The following FNDC7 variants were observed in gnomAD, a reference collection of about 807,000 sequenced individuals.
The protein encoded by FNDC7 is fibronectin type III domain containing 7.
Under a neutral mutation model 74.2 loss-of-function variants are expected in FNDC7, and 66 were observed. That is an observed-to-expected ratio of 0.89 (90% CI 0.73 to 1.09). The LOEUF (loss-of-function observed/expected upper bound fraction) is 1.09, where lower values mean the gene tolerates loss of function less well. FNDC7 is among the 50% of genes least tolerant of loss of function. FNDC7 has a pLI of 0.00. For synonymous variants in FNDC7, 307 were observed against 330.2 expected (o/e 0.93, Z 0.76); for missense variants, 829 against 893.4 (o/e 0.93, Z 0.92).
At chr1:108,739,504 G>T (rs2101092602) in intron 11 of FNDC7, among the ~76,000 whole-genome samples, 1 of 152,282 alleles carries the variant, frequency 6.6e-6, no homozygotes, top group Non-Finnish European at 1.5e-5. Flanking sequence ...TGAGACACCA[G>T]CATCACCAGA....
At chr1:108,718,704 T>C (rs1661028798) in intron 3 of FNDC7, 85 bp from the exon 4 acceptor site, 2 of 1,363,942 alleles carry the variant, frequency 1.5e-6, no homozygotes, top group Non-Finnish European at 2.0e-6. Context: ...TTGTATATTA[T>C]GGATATCAAT....
chr1:108,727,301 G>A (rs11102312), intron 6 of FNDC7, among the ~76,000 whole-genome samples: 60,989 of 151,688 alleles, frequency 0.4, 13,037 homozygotes, highest in Non-Finnish European at 0.49. Context: ...CTCCAGCCTG[G>A]GTGGCAGAGC....
rs11583590 is a variant in FNDC7, at chr1:108,728,726, G to A, written c.1464G>A (p.Thr488=). The part of the protein sequence containing the change: ...WRSTNDDATY[T]VTAQGEKGLY... ...CCACTAATGATGATGCTACTTACACGGTGACTGCCCAAGGGGAGAAAGGAC... is the reference window on the plus strand; with the variant it reads ...CCACTAATGATGATGCTACTTACACAGTGACTGCCCAAGGGGAGAAAGGAC... The change falls in exon 8 of 13, where the codon ACG becomes ACA. Residue 488 remains threonine, a synonymous_variant. Coordinates refer to ENST00000370017, the MANE Select transcript of FNDC7 (RefSeq NM_001144937.3). The A allele has an allele frequency of 0.021, 33,832 of 1,614,208 alleles. 485 individuals are homozygous for A. Among genetic ancestry groups the A allele is most frequent in the Middle Eastern group, 0.033 (200 of 6,062 alleles).
At chr1:108,719,595 G>A (rs1381110365) in intron 4 of FNDC7, among the ~76,000 whole-genome samples, 1 of 152,108 alleles carries the variant, frequency 6.6e-6, no homozygotes, top group Non-Finnish European at 1.5e-5. Context: ...GTCAGCATGG[G>A]GCTTCCCACT....
At chr1:108,714,104 A>G (rs1439757169) in intron 2 of FNDC7, among the ~76,000 whole-genome samples, 4 of 152,228 alleles carry the variant, frequency 2.6e-5, no homozygotes, top group Admixed American at 2.6e-4. Context: ...ATTTATCTAG[A>G]GGCCCCTCCT....
chr1:108,713,050 C>A, intron 1 of FNDC7, 54 bp downstream of exon 1: 1 of 1,454,808 alleles, frequency 6.9e-7, no homozygotes. Flanking sequence ...AAGAAAGACA[C>A]ATTATTTTTC....
intron 11 of FNDC7, among the ~76,000 whole-genome samples, chr1:108,739,759 C>A (rs893845081): frequency 1.3e-5 from 2 of 152,194 alleles, no homozygotes; most frequent in Non-Finnish European, 2.9e-5. Flanking sequence ...AGGAGCACTG[C>A]TTTAGATCAC....
intron 10 of FNDC7, among the ~76,000 whole-genome samples, chr1:108,735,717 G>T (rs1040063364): frequency 6.6e-6 from 1 of 152,064 alleles, no homozygotes; most frequent in Non-Finnish European, 1.5e-5. Context: ...TGTACTTATA[G>T]TACATTTAGT....
At chr1:108,734,500 G>C (rs1269803498) in intron 10 of FNDC7, 1 of 152,130 alleles carries the variant, frequency 6.6e-6, no homozygotes, top group Non-Finnish European at 1.5e-5. Flanking sequence ...AATTTTGCAG[G>C]TGAACACAGA....
At chr1:108,720,898 A>G (rs1399871777) in intron 4 of FNDC7, among the ~76,000 whole-genome samples, 2 of 152,246 alleles carry the variant, frequency 1.3e-5, no homozygotes, top group Non-Finnish European at 2.9e-5. Context: ...AAGAACTTCA[A>G]CATATGAACT....
intron 8 of FNDC7, 42 bp from the exon 9 acceptor site, chr1:108,730,632 T>C (rs1449492029): frequency 6.7e-7 from 1 of 1,491,690 alleles, no homozygotes; most frequent in East Asian, 2.4e-5. Flanking sequence ...TAATCTTCAG[T>C]GGAAATAAAT....
rs771943791 is a variant in FNDC7, at chr1:108,733,359, A to G, written c.1967A>G (p.Asn656Ser). 8 of 1,614,142 alleles carry G rather than the reference A, an allele frequency of 5.0e-6. No individual in the cohort carries two copies. In the East Asian group the frequency reaches 8.9e-5, roughly 18 times the overall value. ...TGGCAAGCCTCCAGGGGCTCTGCCA[A>G]TTACAGCACTGACCTCTATGGCTCC... The part of the protein sequence containing the change: ...IYWQASRGSA[N>S]YSTDLYGSKG... Residue 656 changes from asparagine to serine, a missense_variant, in exon 10 of 13, where the codon AAT becomes AGT. Transcript: ENST00000370017.
chr1:108,723,391 T>A (rs1661138756), intron 5 of FNDC7, among the ~76,000 whole-genome samples: 1 of 152,152 alleles, frequency 6.6e-6, no homozygotes, highest in African/African-American at 2.4e-5. Flanking sequence ...TACAATAATA[T>A]CTACTTTATC....
chr1:108,735,180 G>A (rs1261168071), intron 10 of FNDC7, among the ~76,000 whole-genome samples: 3 of 152,228 alleles, frequency 2.0e-5, no homozygotes, highest in South Asian at 2.1e-4. Flanking sequence ...AAGTAATCTC[G>A]AATTCTCGTC....
chr1:108,719,091 A>T, intron 4 of FNDC7, 42 bp downstream of exon 4: 2 of 1,547,696 alleles, frequency 1.3e-6, no homozygotes, highest in Non-Finnish European at 1.7e-6. Context: ...TCTACTTTTG[A>T]TTAATGAGGG....
intron 6 of FNDC7, among the ~76,000 whole-genome samples, chr1:108,727,149 A>T (rs1040676240): frequency 1.3e-5 from 2 of 152,004 alleles, no homozygotes; most frequent in Admixed American, 1.3e-4. Flanking sequence ...ACATGGAGAA[A>T]CTCTGTCTCT....
rs778155523 is a variant in FNDC7, at chr1:108,717,791, A to T, written c.97A>T (p.Thr33Ser). 1 of 1,551,658 alleles carries T rather than the reference A, an allele frequency of 6.4e-7. No homozygotes were observed. Among genetic ancestry groups the T allele is most frequent in the Admixed American group, 2.0e-5 (1 of 51,006 alleles). The change falls in exon 3 of 13, where the codon ACT becomes TCT. Residue 33 changes from threonine (T) to serine (S), a missense_variant. Thr to Ser is a moderately conservative substitution (Grantham distance 58). Transcript: ENST00000370017. ...ASAKSAPEIP[T>S]IDQAYSKLSN... is the part of the protein sequence containing the mutation. The stretch of plus-strand genomic sequence containing the variant: ...ACCTCTTTCAGCTCCTGAAATACCC[A>T]CTATTGATCAGGCATATTCAAAACT...
In FNDC7 at chr1:108,736,433, G is replaced by A. The variant is rs1661516005; in HGVS notation, c.2141-1062G>A. 3.3e-5 allele frequency among the ~76,000 whole-genome samples: 5 copies of A among 152,178 alleles called. 1 individual carries two copies. The South Asian group carries it at 8.3e-4, about 25-fold the overall frequency. ...TGCAACATATTACTGTGAATTGAAT[G>A]TGTGCTTTTCTCCTAATAAATGATT... On this transcript the variant is annotated intron_variant, in intron 10 of 12. Coordinates refer to ENST00000370017, the MANE Select transcript of FNDC7 (RefSeq NM_001144937.3).
chr1:108,738,130 C>T (rs570542077), intron 11 of FNDC7, among the ~76,000 whole-genome samples: 3 of 152,080 alleles, frequency 2.0e-5, no homozygotes, highest in African/African-American at 4.8e-5. Flanking sequence ...CTGGCGATGC[C>T]GAGGCTGCTG....
Sources: gnomAD v4.1 joint callset for allele counts (sites outside exome capture counted in the v4.1 genomes callset) on GRCh38, gnomAD v4.1.1 for gene constraint, MANE v1.5 for transcripts, NCBI Gene and HGNC (gene_info 2026-07-23, HGNC 2026-07-21) for gene names.